CNTNAP4: variants seen among roughly 807,000 people sequenced by gnomAD.
CNTNAP4 encodes contactin-associated protein-like 4.
Under a neutral mutation model 148.4 loss-of-function variants are expected in CNTNAP4, and 98 were observed. The ratio of observed to expected loss-of-function variants is 0.66; its 90% confidence interval spans 0.56 to 0.78. The LOEUF (loss-of-function observed/expected upper bound fraction) is 0.78. CNTNAP4 is among the 30% of genes least tolerant of loss of function. The pLI is 0.00. For missense variants in CNTNAP4, 1,935 were observed against 1,565.6 expected, an observed-to-expected ratio of 1.24 and a Z score of -3.98; for synonymous variants, 730 against 565.1, an observed-to-expected ratio of 1.29 and a Z score of -4.14.
intron 11 of CNTNAP4, among the ~76,000 whole-genome samples, chr16:76,477,878 A>G (rs376603081): frequency 6.6e-6 from 1 of 152,230 alleles, no homozygotes; most frequent in Admixed American, 6.5e-5. Flanking sequence ...AACTCTGAAG[A>G]CAAAAATTAG....
chr16:76,477,129 G>A (rs568733357), intron 11 of CNTNAP4, among the ~76,000 whole-genome samples: 1 of 152,146 alleles, frequency 6.6e-6, no homozygotes, highest in Non-Finnish European at 1.5e-5. Context: ...AATAGTTGAG[G>A]CAGAGTGAGG....
chr16:76,381,198 C>CTG lies in CNTNAP4; in HGVS notation c.390+25700_390+25701dup, dbSNP rs940204677. Among the ~76,000 whole-genome samples, 66 of 151,954 alleles carry CTG rather than the reference C, an allele frequency of 4.3e-4. 1 individual carries two copies. The highest frequency in any genetic ancestry group is 1.4e-3 in the African/African-American group (59 of 41,448). On this transcript the variant is annotated intron_variant, in intron 3 of 23. Coordinates refer to ENST00000611870, the MANE Select transcript of CNTNAP4 (RefSeq NM_033401.5). ...AGTAACTTTAAAGATGAGAATCTTT[C>CTG]TGTGTGTGTGTGTGAGTTGGCATTC...
intron 3 of CNTNAP4, among the ~76,000 whole-genome samples, chr16:76,389,342 C>G (rs919265697): frequency 5.3e-5 from 8 of 152,168 alleles, no homozygotes; most frequent in African/African-American, 1.9e-4. Context: ...AAACTAATGT[C>G]AAATCAATGT....
chr16:76,304,815 G>A (rs538803946), intron 1 of CNTNAP4, among the ~76,000 whole-genome samples: 1 of 152,272 alleles, frequency 6.6e-6, no homozygotes, highest in South Asian at 2.1e-4. Context: ...GTGGTAGGCA[G>A]AAATGTGGTC....
chr16:76,529,442 A>G (rs572003854), intron 17 of CNTNAP4, among the ~76,000 whole-genome samples: 1 of 152,320 alleles, frequency 6.6e-6, no homozygotes, highest in East Asian at 1.9e-4. Flanking sequence ...AGCCACAGAA[A>G]TGATGGAGAG....
rs74470792 is a variant in CNTNAP4 at position 76,435,496 on chromosome 16, C to T, written c.538+7897C>T. Among the ~76,000 whole-genome samples, 335 of 152,220 alleles carry T rather than the reference C, an allele frequency of 2.2e-3. 10 individuals are homozygous for T. In the East Asian group the frequency reaches 0.054, roughly 25 times the overall value. On this transcript the variant is annotated intron_variant, in intron 4 of 23. Coordinates refer to ENST00000611870, the MANE Select transcript of CNTNAP4 (RefSeq NM_033401.5). ...TATTCCCATTTTATTTAAATTTTGT[C>T]GTTGAGTGACTGTGGTTCCCACTGT...
At chr16:76,501,993 T>G (rs907272319) in intron 15 of CNTNAP4, among the ~76,000 whole-genome samples, 1 of 149,742 alleles carries the variant, frequency 6.7e-6, no homozygotes, top group African/African-American at 2.5e-5. Flanking sequence ...GGCGTGAACC[T>G]GGGAGGCGGA....
intron 23 of CNTNAP4, chr16:76,558,077 C>T (rs909547549): frequency 6.5e-6 from 1 of 153,824 alleles, no homozygotes; most frequent in African/African-American, 2.4e-5. Flanking sequence ...ATAACAATTT[C>T]ATTAAAATGT....
intron 3 of CNTNAP4, among the ~76,000 whole-genome samples, chr16:76,407,947 C>G (rs966128658): frequency 6.6e-6 from 1 of 151,998 alleles, no homozygotes; most frequent in Non-Finnish European, 1.5e-5. Context: ...TCCACAGTCA[C>G]CCCAACCTTC....
intron 18 of CNTNAP4, among the ~76,000 whole-genome samples, chr16:76,536,247 G>C (rs2084206760): frequency 6.6e-6 from 1 of 151,956 alleles, no homozygotes; most frequent in Non-Finnish European, 1.5e-5. Flanking sequence ...CCAGGCTGGA[G>C]TGCAGTGGCG....
intron 2 of CNTNAP4, among the ~76,000 whole-genome samples, chr16:76,351,804 T>C (rs1199200028): frequency 6.6e-6 from 1 of 152,196 alleles, no homozygotes; most frequent in African/African-American, 2.4e-5. Context: ...TTCCTCTTTC[T>C]CCTGATGAGA....
intron 4 of CNTNAP4, among the ~76,000 whole-genome samples, chr16:76,432,128 C>T (rs1466576539): frequency 2.0e-5 from 3 of 152,044 alleles, no homozygotes; most frequent in Non-Finnish European, 2.9e-5. Context: ...AATGCATTTC[C>T]GTCATAATAA....
At chr16:76,459,695 G>C (rs1352765440) in intron 8 of CNTNAP4, among the ~76,000 whole-genome samples, 1 of 152,224 alleles carries the variant, frequency 6.6e-6, no homozygotes, top group African/African-American at 2.4e-5. Flanking sequence ...AAAAAAGGCT[G>C]TTTGGTTTTG....
chr16:76,329,153 C>G (rs944111414), intron 2 of CNTNAP4, among the ~76,000 whole-genome samples: 1 of 152,076 alleles, frequency 6.6e-6, no homozygotes, highest in African/African-American at 2.4e-5. Context: ...GGTAAAAACT[C>G]ATTTGAGAAG....
chr16:76,390,297 C>G (rs2016862230), intron 3 of CNTNAP4, among the ~76,000 whole-genome samples: 1 of 152,166 alleles, frequency 6.6e-6, no homozygotes, highest in African/African-American at 2.4e-5. Flanking sequence ...TCTATTGTAA[C>G]TAATTGTAAC....
chr16:76,500,464 C>T (rs1413066882), intron 15 of CNTNAP4, among the ~76,000 whole-genome samples: 1 of 152,136 alleles, frequency 6.6e-6, no homozygotes, highest in African/African-American at 2.4e-5. Context: ...TGCTGTTACC[C>T]ACATAGGAAA....
intron 4 of CNTNAP4, among the ~76,000 whole-genome samples, chr16:76,436,382 T>C (rs898374087): frequency 6.6e-6 from 1 of 152,120 alleles, no homozygotes; most frequent in Non-Finnish European, 1.5e-5. Context: ...TTCCAATCAA[T>C]GCCTTCATTT....
At chr16:76,284,397 A>G (rs1010553271) in intron 1 of CNTNAP4, among the ~76,000 whole-genome samples, 1 of 152,000 alleles carries the variant, frequency 6.6e-6, no homozygotes, top group African/African-American at 2.4e-5. Flanking sequence ...ATCACTTTAA[A>G]AAGAAAAATC....
In CNTNAP4 at chr16:76,452,696, C is replaced by T. The variant is rs1597590139; in HGVS notation, c.1260C>T (p.Leu420=). 2 of 1,613,226 alleles carry T rather than the reference C, an allele frequency of 1.2e-6. No homozygotes were observed. Among genetic ancestry groups the T allele is most frequent in the Non-Finnish European group, 8.5e-7 (1 of 1,179,522 alleles). The part of the protein sequence containing the change: ...SELQLISGGI[L]LFLSDGKLKS... ...TTCAGCTGATTTCAGGGGGTATCCT[C>T]CTCTTTCTGAGTGATGGAAAACTTA... The change falls in exon 8 of 24, where the codon CTC becomes CTT. Residue 420 remains leucine (L), a synonymous_variant. Transcript: ENST00000611870.
Sources: allele counts gnomAD v4.1 joint callset (sites outside exome capture counted in the v4.1 genomes callset), GRCh38; gene constraint gnomAD v4.1.1; transcripts MANE v1.5; gene names NCBI Gene and HGNC (gene_info 2026-07-23, HGNC 2026-07-21).